The following ASH1L variants were observed in gnomAD, a reference collection of about 807,000 sequenced individuals.
ASH1L encodes histone-lysine N-methyltransferase ASH1L.
A neutral mutation model predicts 269.0 loss-of-function variants in ASH1L; 23 were observed. The observed-to-expected ratio is 0.09, with a 90% CI of 0.06 to 0.12. The LOEUF is 0.12. Ranked by LOEUF, ASH1L falls within the 10% of genes least tolerant of loss-of-function variation. The probability of loss-of-function intolerance (pLI) is 1.00; values close to 1 mark genes in which losing one functional copy is unlikely to be tolerated. For synonymous variants in ASH1L, 1,187 were observed against 1,253.5 expected (o/e 0.95, Z 1.12); for missense variants, 2,912 against 3,567.8 (o/e 0.82, Z 4.68).
At chr1:155,369,962 T>G (rs1395373896) in intron 12 of ASH1L, among the ~76,000 whole-genome samples, 1 of 152,104 alleles carries the variant, frequency 6.6e-6, no homozygotes, top group Non-Finnish European at 1.5e-5. Context: ...TAGAGATGGG[T>G]TTCACCATGT....
Position 155,339,318 on chromosome 1 carries a change from T to G in ASH1L, c.8501+10A>C. 17 of 1,612,682 alleles carry G rather than the reference T, an allele frequency of 1.1e-5. No individual in the cohort carries two copies. The highest frequency in any genetic ancestry group is 1.4e-5 in the Non-Finnish European group (17 of 1,178,768). On this transcript the variant is annotated intron_variant, in intron 26 of 27. Coordinates refer to ENST00000392403, the MANE Select transcript of ASH1L (RefSeq NM_018489.3). Reference sequence around the variant, plus strand: ...CCCTTAGGATCCTCATATCCCCCCATGGGACTTACCGTCCTCCATTCCTCT... The same window carrying G: ...CCCTTAGGATCCTCATATCCCCCCAGGGGACTTACCGTCCTCCATTCCTCT...
rs1221090949 is a variant in ASH1L, at chr1:155,336,632, G to C, written c.*1028C>G. ...GGAGGGTGAGGGAAGATGGGCTAGG[G>C]GTGAAGAGAAATATACTGTCTCTTT... On this transcript the variant is annotated 3_prime_UTR_variant, in exon 28 of 28. Transcript: ENST00000392403. 2.6e-5 allele frequency: 4 copies of C among 152,428 alleles called. No homozygotes were observed. The highest frequency in any genetic ancestry group is 4.8e-5 in the African/African-American group (2 of 41,310). 9.4% of individuals were successfully genotyped at this position (152,428 alleles called of 1,614,324 possible). A position where few individuals can be genotyped will look rare whatever the true frequency, so the allele number is the denominator to read the frequency against.
intron 7 of ASH1L, among the ~76,000 whole-genome samples, chr1:155,384,174 T>A (rs1167953920): frequency 6.6e-6 from 1 of 152,198 alleles, no homozygotes; most frequent in African/African-American, 2.4e-5. Flanking sequence ...TTCCAAAGTG[T>A]CTTTTTTTTA....
intron 3 of ASH1L, among the ~76,000 whole-genome samples, chr1:155,462,889 A>C (rs1019245041): frequency 6.6e-6 from 1 of 152,156 alleles, no homozygotes; most frequent in Non-Finnish European, 1.5e-5. Flanking sequence ...ATCTTATTTC[A>C]CTTAAAAGCA....
At chr1:155,491,104 C>A (rs1666751030) in intron 2 of ASH1L, among the ~76,000 whole-genome samples, 1 of 150,576 alleles carries the variant, frequency 6.6e-6, no homozygotes, top group African/African-American at 2.5e-5. Context: ...ATTTCTCCTG[C>A]AGTGAAAAGC....
At chr1:155,458,768 T>C (rs1287680806) in intron 4 of ASH1L, among the ~76,000 whole-genome samples, 2 of 151,856 alleles carry the variant, frequency 1.3e-5, no homozygotes, top group Admixed American at 1.3e-4. Flanking sequence ...GTCTTTAGTC[T>C]GACCACACTG....
Position 155,343,600 on chromosome 1 carries a change from G to A in ASH1L, c.8120+4C>T, listed in dbSNP as rs372846071. ...GAAGAAAAGGACAGGACCTCAGCAC[G>A]TACTTTTCATTCTTCCAAAGCTTCT... is the stretch of plus-strand genomic sequence containing the variant. On this transcript the variant is annotated splice_donor_region_variant and intron_variant, in intron 23 of 27. Transcript: ENST00000392403. The surrounding 1 kb of genome is among the most constrained non-coding windows in gnomAD (Gnocchi z 6.1). The A allele has an allele frequency of 1.2e-5, 19 of 1,613,962 alleles. No individual in the cohort carries two copies. The highest frequency in any genetic ancestry group is 6.7e-5 in the East Asian group (3 of 44,894).
chr1:155,378,048 C>CA (rs1173444231), intron 10 of ASH1L, among the ~76,000 whole-genome samples: 3 of 150,816 alleles, frequency 2.0e-5, no homozygotes, highest in Non-Finnish European at 3.0e-5. Flanking sequence ...CAAAACAAAA[C>CA]AAAAAAAACA....
At chr1:155,554,356 T>C (rs1477420634) in intron 1 of ASH1L, among the ~76,000 whole-genome samples, 1 of 151,992 alleles carries the variant, frequency 6.6e-6, no homozygotes, top group African/African-American at 2.4e-5. Context: ...CACTGCAACC[T>C]CTGCCTCTCG....
At chr1:155,527,208 A>C (rs996333653) in intron 1 of ASH1L, among the ~76,000 whole-genome samples, 2 of 151,416 alleles carry the variant, frequency 1.3e-5, no homozygotes, top group African/African-American at 4.9e-5. Context: ...ACTCCGTCTC[A>C]AAAAAAAAGA....
chr1:155,429,062 A>G (rs1000664819), intron 5 of ASH1L, among the ~76,000 whole-genome samples: 7 of 152,214 alleles, frequency 4.6e-5, no homozygotes, highest in South Asian at 2.1e-4. Flanking sequence ...ACCAGTGGAC[A>G]TTAGAGGAAT....
In ASH1L at chr1:155,338,198, A is replaced by G. The variant is rs768757703; in HGVS notation, c.8694T>C (p.Ser2898=). Reference sequence around the variant, plus strand: ...TACAGGTTGACTGGGGTTCTTGACTACTTTCCTCTGTTTTTTTTTCACCCT... The same window carrying G: ...TACAGGTTGACTGGGGTTCTTGACTGCTTTCCTCTGTTTTTTTTTCACCCT... ...VSEGEKKTEE[S]SQEPQSTCTP... is the part of the protein sequence containing the mutation. Residue 2898 remains serine (S), a synonymous_variant, in exon 27 of 28, where the codon AGT becomes AGC. Transcript: ENST00000392403. 11 of 1,612,694 alleles carry G rather than the reference A, an allele frequency of 6.8e-6. No individual in the cohort carries two copies. In the Admixed American group the frequency reaches 1.8e-4, roughly 27 times the overall value.
intron 1 of ASH1L, among the ~76,000 whole-genome samples, chr1:155,525,434 TA>T (rs779922943): frequency 6.6e-6 from 1 of 151,212 alleles, no homozygotes; most frequent in Admixed American, 6.6e-5. Context: ...TGAATAATGA[TA>T]AATTACAATG....
intron 2 of ASH1L, among the ~76,000 whole-genome samples, chr1:155,512,299 C>T (rs1298566564): frequency 1.3e-5 from 2 of 151,786 alleles, no homozygotes; most frequent in Non-Finnish European, 2.9e-5. Flanking sequence ...CACCTGTAAT[C>T]CCAGCTACTC....
intron 12 of ASH1L, among the ~76,000 whole-genome samples, chr1:155,363,504 A>G (rs1460253416): frequency 2.0e-5 from 3 of 151,398 alleles, no homozygotes; most frequent in Non-Finnish European, 1.5e-5. Flanking sequence ...TCGGCCTCCC[A>G]AAGTGCTGCG....
intron 2 of ASH1L, among the ~76,000 whole-genome samples, chr1:155,500,472 C>CTTGA (rs1667432360): frequency 6.6e-6 from 1 of 152,056 alleles, no homozygotes; most frequent in South Asian, 2.1e-4. Context: ...GGTCTTCTTG[C>CTTGA]TTGAATAGCA....
intron 7 of ASH1L, among the ~76,000 whole-genome samples, chr1:155,392,514 A>T (rs981830073): frequency 3.3e-5 from 5 of 151,856 alleles, no homozygotes; most frequent in African/African-American, 1.2e-4. Flanking sequence ...TTTTTTTGAG[A>T]GTCTTGCTCT....
chr1:155,493,139 C>T (rs1219057624), intron 2 of ASH1L, among the ~76,000 whole-genome samples: 1 of 152,180 alleles, frequency 6.6e-6, no homozygotes, highest in Non-Finnish European at 1.5e-5. Flanking sequence ...TTAAAGTGCA[C>T]AATTCAGTGG....
In ASH1L at chr1:155,443,166, T is replaced by C. The variant is rs532506198; in HGVS notation, c.5087-4098A>G. Among the ~76,000 whole-genome samples the C allele has an allele frequency of 2.6e-5, 4 of 152,358 alleles. No homozygotes were observed. The South Asian group carries it at 8.3e-4, about 32-fold the overall frequency. On this transcript the variant is annotated intron_variant, in intron 4 of 27. Coordinates refer to ENST00000392403, the MANE Select transcript of ASH1L (RefSeq NM_018489.3). ...GAATCCTGGGATCAAAATCTTGGAA[T>C]TATTTTTATCTCCTCTATCCCTTCA...
Sources: gnomAD v4.1 joint callset for allele counts (sites outside exome capture counted in the v4.1 genomes callset) on GRCh38, gnomAD v4.1.1 for gene constraint, Gnocchi (gnomAD v3.1) non-coding constraint, MANE v1.5 for transcripts, NCBI Gene and HGNC (gene_info 2026-07-23, HGNC 2026-07-21) for gene names.